ZNF232: variants seen among roughly 807,000 people sequenced by gnomAD.
ZNF232 encodes zinc finger protein 232.
A neutral mutation model predicts 25.2 loss-of-function variants in ZNF232; 25 were observed. The observed-to-expected ratio is 0.99, with a 90% confidence interval of 0.72 to 1.39. The LOEUF is 1.39. ZNF232 is among the 40% of genes most tolerant of loss of function. The pLI, the probability that ZNF232 is intolerant of heterozygous loss-of-function variation, is 0.00. For missense variants in ZNF232, 519 were observed against 520.9 expected, an observed-to-expected ratio of 1.00 and a Z score of 0.04; for synonymous variants, 193 against 182.9, an observed-to-expected ratio of 1.06 and a Z score of -0.45.
upstream of ZNF232, among the ~76,000 whole-genome samples, chr17:5,113,182 T>C (rs1184380162): frequency 1.3e-5 from 2 of 152,188 alleles, no homozygotes; most frequent in Admixed American, 6.5e-5. Context: ...GACACCCCCA[T>C]GGCTGGGGGA....
chr17:5,113,472 G>T (rs1476102433), upstream of ZNF232: 2 of 152,210 alleles, frequency 1.3e-5, no homozygotes, highest in East Asian at 3.8e-4. Flanking sequence ...ACTTCAATGT[G>T]CCATTATACT....
At chr17:5,120,152 G>A (rs1401462680) in intron 1 of ZNF232, among the ~76,000 whole-genome samples, 3 of 152,132 alleles carry the variant, frequency 2.0e-5, no homozygotes, top group Non-Finnish European at 2.9e-5. Context: ...GTTTCCCCCT[G>A]GCTTTGAGGC....
upstream of ZNF232, chr17:5,115,046 C>CA (rs2072496126): frequency 1.3e-5 from 2 of 152,152 alleles, no homozygotes; most frequent in African/African-American, 4.8e-5. Flanking sequence ...CGAGCTAAGA[C>CA]AGAGGAAAAC....
chr17:5,121,329 C>T (rs2072658511), intron 1 of ZNF232: 1 of 344,058 alleles, frequency 2.9e-6, no homozygotes, highest in Non-Finnish European at 5.7e-6. Context: ...CTGTGCCCCA[C>T]TTCTGAAAAT....
intron 1 of ZNF232, among the ~76,000 whole-genome samples, chr17:5,120,947 TCA>T (rs1302848232): frequency 6.6e-6 from 1 of 152,140 alleles, no homozygotes; most frequent in Non-Finnish European, 1.5e-5. Context: ...AATGTGAGGC[TCA>T]GAGAGGACTC....
chr17:5,108,908 C>T lies in ZNF232; in HGVS notation c.625+18G>A. 6.2e-7 allele frequency: 1 copy of T among 1,613,836 alleles called. No individual in the cohort carries two copies. The highest frequency in any genetic ancestry group is 8.5e-7 in the Non-Finnish European group (1 of 1,179,840). On this transcript the variant is annotated intron_variant, in intron 3 of 3. Coordinates refer to ENST00000575898, the Ensembl canonical transcript of ZNF232. ...TCCCTCTTTCTCCTCTCCCTCCCCA[C>T]AGAATCCTGCTCCTCACCACTCTTT...
chr17:5,106,496 T>C (rs748040941), exon 4 of ZNF232: 2 of 1,612,606 alleles, frequency 1.2e-6, no homozygotes, highest in Non-Finnish European at 1.7e-6. Context: ...CTGGGCCATC[T>C]TCTGTAACAA....
At chr17:5,108,728 G>C (rs1400786055) in intron 3 of ZNF232, 198 bp downstream of exon 3, 1 of 709,328 alleles carries the variant, frequency 1.4e-6, no homozygotes, top group African/African-American at 1.8e-5. Context: ...GCTATCTTAT[G>C]AGGTAGTTTA....
intron 1 of ZNF232, chr17:5,121,396 G>A (rs553730337): frequency 2.0e-4 from 66 of 332,244 alleles, no homozygotes; most frequent in Admixed American, 6.3e-4. Flanking sequence ...GAACTGCGAG[G>A]TGGCCACCAA....
chr17:5,122,310 TTCCGA>T (rs905499212), intron 1 of ZNF232, among the ~76,000 whole-genome samples: 2 of 152,016 alleles, frequency 1.3e-5, no homozygotes, highest in Non-Finnish European at 2.9e-5. Flanking sequence ...GGATTTCTGG[TTCCGA>T]TGACTGTGTG....
chr17:5,112,065 G>A (rs113475135), upstream of ZNF232: 1,833 of 585,114 alleles, frequency 3.1e-3, 26 homozygotes, highest in African/African-American at 0.032. Context: ...GCGGCCGGGT[G>A]CCCTGGAGGC....
chr17:5,115,290 G>T (rs976521239), upstream of ZNF232, among the ~76,000 whole-genome samples: 1 of 152,114 alleles, frequency 6.6e-6, no homozygotes, highest in Non-Finnish European at 1.5e-5. Flanking sequence ...GGTGGGTCGT[G>T]CCTGTAATTC....
chr17:5,111,211 A>T (rs1313090912), intron 1 of ZNF232: 1 of 152,534 alleles, frequency 6.6e-6, no homozygotes, highest in Non-Finnish European at 1.5e-5. Flanking sequence ...GTTGCTTTCT[A>T]TCTTGCAGCT....
upstream of ZNF232, among the ~76,000 whole-genome samples, chr17:5,115,758 C>A (rs560105856): frequency 1.4e-4 from 21 of 152,316 alleles, no homozygotes; most frequent in South Asian, 3.7e-3. Flanking sequence ...ACTCAGCACG[C>A]CCCGGTCTCC....
intron 1 of ZNF232, among the ~76,000 whole-genome samples, chr17:5,119,098 T>C (rs2072595401): frequency 1.3e-5 from 2 of 152,184 alleles, no homozygotes; most frequent in South Asian, 4.1e-4. Flanking sequence ...CCTCTATCAC[T>C]ATCAAGTATT....
chr17:5,106,444 C>A lies in ZNF232; in HGVS notation c.688G>T (p.Glu230Ter). ...TCTGAGAACACCTGTGATTCCACTT[C>A]AGTAATGGGTGGTTGTGGCAATGAT... Residue 230 changes from glutamate to a stop codon, truncating the protein, a stop_gained, in exon 4 of 4, where the codon GAA becomes TAA. Coordinates refer to ENST00000575898, the Ensembl canonical transcript of ZNF232. LOFTEE classifies it low-confidence loss of function (END_TRUNC). 6.2e-7 allele frequency: 1 copy of A among 1,614,222 alleles called. No individual in the cohort carries two copies. Among genetic ancestry groups the A allele is most frequent in the Non-Finnish European group, 8.5e-7 (1 of 1,180,040 alleles).
At chr17:5,111,676 C>T (rs762727133) in intron 1 of ZNF232, 124 bp downstream of exon 1, 334 of 1,503,770 alleles carry the variant, frequency 2.2e-4, no homozygotes, top group Non-Finnish European at 2.8e-4. Flanking sequence ...AACCCAAACC[C>T]CTCTCCACAC....
chr17:5,111,213 C>T (rs933272764), intron 1 of ZNF232: 1 of 152,604 alleles, frequency 6.6e-6, no homozygotes, highest in Non-Finnish European at 1.5e-5. Context: ...TGCTTTCTAT[C>T]TTGCAGCTAT....
At chr17:5,112,868 A>T (rs549329209), upstream of ZNF232, among the ~76,000 whole-genome samples, 14 of 152,002 alleles carry the variant, frequency 9.2e-5, no homozygotes, top group East Asian at 2.7e-3. Context: ...AGGAGGCAGG[A>T]GAATCGTTTG....
Sources: gnomAD v4.1 joint callset for allele counts (sites outside exome capture counted in the v4.1 genomes callset) on GRCh38, gnomAD v4.1.1 for gene constraint, MANE v1.5 for transcripts, NCBI Gene and HGNC (gene_info 2026-07-23, HGNC 2026-07-21) for gene names.